Variants in ANOS1 observed in about 807,000 individuals in gnomAD.
ANOS1 encodes the protein anosmin-1.
Under a neutral mutation model 59.0 loss-of-function variants are expected in ANOS1, and 6 were observed. That is an observed-to-expected ratio of 0.10 (90% CI 0.06 to 0.20). The LOEUF (loss-of-function observed/expected upper bound fraction) is 0.20, where lower values mean the gene tolerates loss of function less well. ANOS1 is among the 10% of genes least tolerant of loss of function. ANOS1 has a pLI of 1.00. For synonymous variants in ANOS1, 217 were observed against 223.4 expected, an observed-to-expected ratio of 0.97 and a Z score of 0.25; for missense variants, 433 against 542.3, an observed-to-expected ratio of 0.80 and a Z score of 2.00.
chrX:8,560,180 G>A (rs1930010965), intron 8 of ANOS1, among the ~76,000 whole-genome samples: 1 of 111,132 alleles, frequency 9.0e-6, no homozygotes, highest in Admixed American at 9.6e-5. Flanking sequence ...CCATTGCCCA[G>A]ATTGGTCTCA....
chrX:8,603,102 T>C (rs943611981), intron 3 of ANOS1, among the ~76,000 whole-genome samples: 4 of 112,101 alleles, frequency 3.6e-5, no homozygotes, highest in South Asian at 3.7e-4. Context: ...ATGGTCACTA[T>C]GCCCATTAAT....
chrX:8,653,903 G>C (rs984433126), intron 2 of ANOS1, among the ~76,000 whole-genome samples: 40 of 112,324 alleles, frequency 3.6e-4, no homozygotes, highest in African/African-American at 1.2e-3. Context: ...CAGAAAAGAA[G>C]CCAATGACTT....
At chrX:8,690,019 A>C (rs1287155260) in intron 2 of ANOS1, among the ~76,000 whole-genome samples, 2 of 112,234 alleles carry the variant, frequency 1.8e-5, no homozygotes, top group Non-Finnish European at 1.9e-5. Context: ...TTCTACACAA[A>C]TGTTAAGACC....
intron 1 of ANOS1, among the ~76,000 whole-genome samples, chrX:8,712,567 A>G (rs140682085): frequency 1.5e-4 from 17 of 112,135 alleles, no homozygotes; most frequent in African/African-American, 5.2e-4. Flanking sequence ...TATTTTTTCA[A>G]TTTGCTTCAA....
At chrX:8,545,047 C>T (rs1050347712) in intron 9 of ANOS1, among the ~76,000 whole-genome samples, 1 of 40,871 alleles carries the variant, frequency 2.4e-5, no homozygotes, top group Non-Finnish European at 4.1e-5. Context: ...GCCTGGGCAA[C>T]AAGAGAGAAA....
At chrX:8,667,691 G>A (rs1166147788) in intron 2 of ANOS1, among the ~76,000 whole-genome samples, 3 of 111,351 alleles carry the variant, frequency 2.7e-5, no homozygotes, top group African/African-American at 9.8e-5. Context: ...ATCATCAGCC[G>A]TATGGGGGTT....
At chrX:8,573,056 ATT>A (rs34564264) in intron 6 of ANOS1, among the ~76,000 whole-genome samples, 25 of 81,151 alleles carry the variant, frequency 3.1e-4, no homozygotes, top group African/African-American at 8.1e-4. Flanking sequence ...ACTCTACTGG[ATT>A]TTTTTTTTTT....
chrX:8,637,452 C>T (rs934265401), intron 2 of ANOS1, among the ~76,000 whole-genome samples: 3 of 111,427 alleles, frequency 2.7e-5, no homozygotes, highest in African/African-American at 9.8e-5. Context: ...CTCTGCTGAA[C>T]CAAAAAAATG....
intron 2 of ANOS1, among the ~76,000 whole-genome samples, chrX:8,690,099 T>A (rs1168915085): frequency 1.8e-5 from 2 of 112,417 alleles, no homozygotes. Flanking sequence ...CACATCATAT[T>A]TATTTTCTCC....
chrX:8,645,172 C>T (rs889041290), intron 2 of ANOS1, among the ~76,000 whole-genome samples: 1 of 112,437 alleles, frequency 8.9e-6, no homozygotes, highest in Non-Finnish European at 1.9e-5. Context: ...AAACACATGC[C>T]CCTCAATAGG....
chrX:8,661,570 G>A (rs954455260), intron 2 of ANOS1, among the ~76,000 whole-genome samples: 1 of 112,368 alleles, frequency 8.9e-6, no homozygotes, highest in African/African-American at 3.2e-5. Flanking sequence ...AGGGAAGACA[G>A]AATACAGCCC....
chrX:8,636,973 A>G (rs1931583588), intron 2 of ANOS1, among the ~76,000 whole-genome samples: 1 of 112,589 alleles, frequency 8.9e-6, no homozygotes, highest in Admixed American at 9.4e-5. Context: ...CGTTTATAAT[A>G]GAACCTGTTT....
At chrX:8,640,646 T>C (rs942699016) in intron 2 of ANOS1, among the ~76,000 whole-genome samples, 2 of 110,185 alleles carry the variant, frequency 1.8e-5, no homozygotes, top group African/African-American at 6.6e-5. Context: ...TTTTTTCTCT[T>C]GTAATATAAT....
chrX:8,715,558 CCCA>C (rs200934652), intron 1 of ANOS1, among the ~76,000 whole-genome samples: 1,447 of 109,644 alleles, frequency 0.013, 19 homozygotes, highest in African/African-American at 0.043. Flanking sequence ...GGATGACAGG[CCCA>C]CCATGGCCAC....
At chrX:8,658,177 G>A (rs1293295751) in intron 2 of ANOS1, among the ~76,000 whole-genome samples, 1 of 111,889 alleles carries the variant, frequency 8.9e-6, no homozygotes, top group Non-Finnish European at 1.9e-5. Flanking sequence ...AAGGGACATG[G>A]TTAATGCCCT....
At chrX:8,705,990 A>C (rs1478510900) in intron 1 of ANOS1, among the ~76,000 whole-genome samples, 1 of 112,318 alleles carries the variant, frequency 8.9e-6, no homozygotes, top group Non-Finnish European at 1.9e-5. Flanking sequence ...AGTTTATATA[A>C]GTTCAATCAA....
intron 1 of ANOS1, among the ~76,000 whole-genome samples, chrX:8,707,338 TATAA>T (rs1932785357): frequency 9.0e-6 from 1 of 111,722 alleles, no homozygotes; most frequent in African/African-American, 3.3e-5. Flanking sequence ...GAAAGAATGA[TATAA>T]ATAGACTGAG....
intron 1 of ANOS1, among the ~76,000 whole-genome samples, chrX:8,731,556 C>T (rs995284360): frequency 8.9e-6 from 1 of 112,399 alleles, no homozygotes; most frequent in African/African-American, 3.2e-5. Context: ...ATCCACGACT[C>T]TCCCTCCCCA....
At chrX:8,636,237 C>T (rs1355093059) in intron 2 of ANOS1, among the ~76,000 whole-genome samples, 1 of 111,560 alleles carries the variant, frequency 9.0e-6, no homozygotes, top group East Asian at 2.8e-4. Flanking sequence ...GATTGGTAGT[C>T]CTGGAGAACC....
Sources: gnomAD v4.1 joint callset for allele counts (sites outside exome capture counted in the v4.1 genomes callset) on GRCh38, gnomAD v4.1.1 for gene constraint, MANE v1.5 for transcripts, NCBI Gene and HGNC (gene_info 2026-07-23, HGNC 2026-07-21) for gene names.